ACACA: variants seen among roughly 807,000 people sequenced by gnomAD.
ACACA encodes acetyl-CoA carboxylase 1.
ACACA carries 103 observed loss-of-function variants against 296.1 expected under a neutral mutation model. That is an observed-to-expected ratio of 0.35 (90% CI 0.30 to 0.41). The LOEUF (loss-of-function observed/expected upper bound fraction) is 0.41, where lower values mean the gene tolerates loss of function less well. Ranked by LOEUF, ACACA falls within the 10% of genes least tolerant of loss-of-function variation. ACACA has a pLI of 1.00. For synonymous variants in ACACA, 953 were observed against 1,038.6 expected (o/e 0.92, Z 1.58); for missense variants, 1,554 against 2,989.7 (o/e 0.52, Z 11.20).
intron 2 of ACACA, among the ~76,000 whole-genome samples, chr17:37,338,319 A>C (rs2048228115): frequency 6.6e-6 from 1 of 152,052 alleles, no homozygotes; most frequent in African/African-American, 2.4e-5. Context: ...GGTCTTAAAA[A>C]AAGTTCAAGA....
intron 25 of ACACA, among the ~76,000 whole-genome samples, chr17:37,233,275 A>G (rs1205262409): frequency 6.6e-6 from 1 of 152,232 alleles, no homozygotes; most frequent in Non-Finnish European, 1.5e-5. Flanking sequence ...AGAAATGAAC[A>G]GCCCTGGCTC....
At chr17:37,252,457 T>C (rs2081039358) in intron 15 of ACACA, among the ~76,000 whole-genome samples, 1 of 152,202 alleles carries the variant, frequency 6.6e-6, no homozygotes, top group Non-Finnish European at 1.5e-5. Flanking sequence ...TAGCCAAAAT[T>C]TGGACCTCCA....
At chr17:37,127,652 T>C (rs975978822) in intron 47 of ACACA, among the ~76,000 whole-genome samples, 3 of 152,112 alleles carry the variant, frequency 2.0e-5, no homozygotes, top group Non-Finnish European at 2.9e-5. Context: ...AAGACCATCC[T>C]GGCCAACATG....
intron 1 of ACACA, among the ~76,000 whole-genome samples, chr17:37,352,573 G>T (rs886460186): frequency 6.6e-6 from 1 of 151,826 alleles, no homozygotes; most frequent in African/African-American, 2.4e-5. Flanking sequence ...AAAAAAAATA[G>T]CCAGGTATGG....
chr17:37,390,971 T>C (rs929057128), intron 1 of ACACA, among the ~76,000 whole-genome samples: 1 of 152,122 alleles, frequency 6.6e-6, no homozygotes, highest in Non-Finnish European at 1.5e-5. Context: ...CCAGGCGTGG[T>C]GGCTCATGCC....
intron 29 of ACACA, 93 bp from the exon 30 acceptor site, chr17:37,210,583 C>T: frequency 1.6e-6 from 2 of 1,236,924 alleles, no homozygotes; most frequent in Non-Finnish European, 2.4e-6. Flanking sequence ...TCATGAGGAG[C>T]TCCAGTTTGG....
chr17:37,085,473 T>C lies in ACACA; in HGVS notation c.*1843A>G, dbSNP rs1162041512. 5.0e-6 allele frequency: 2 copies of C among 397,404 alleles called. No homozygotes were observed. The highest frequency in any genetic ancestry group is 4.1e-5 in the African/African-American group (2 of 48,614). 24.6% of individuals were successfully genotyped at this position (397,404 alleles called of 1,614,324 possible). On this transcript the variant is annotated 3_prime_UTR_variant, in exon 56 of 56. Transcript: ENST00000616317. ...CCACTTGTAGATATGTGGGATTTGATTTATTGCAAAAAAGCATAGAAGAAT... is the reference window on the plus strand; with the variant it reads ...CCACTTGTAGATATGTGGGATTTGACTTATTGCAAAAAAGCATAGAAGAAT...
intron 2 of ACACA, among the ~76,000 whole-genome samples, chr17:37,338,284 T>C (rs1242902428): frequency 6.7e-6 from 1 of 148,246 alleles, no homozygotes; most frequent in Non-Finnish European, 1.5e-5. Flanking sequence ...CTAAATTTAC[T>C]ATACATTTCT....
intron 29 of ACACA, among the ~76,000 whole-genome samples, chr17:37,216,524 C>T (rs974301557): frequency 2.0e-5 from 3 of 151,866 alleles, no homozygotes; most frequent in Non-Finnish European, 4.4e-5. Flanking sequence ...ATTTAGTAAT[C>T]TGCTTTTTAA....
intron 45 of ACACA, chr17:37,144,281 C>G (rs1472913512): frequency 1.6e-6 from 1 of 616,774 alleles, no homozygotes. Context: ...CTTAGGATCT[C>G]CTTTGCCCAT....
intron 54 of ACACA, among the ~76,000 whole-genome samples, chr17:37,089,988 G>A (rs1428355556): frequency 6.6e-6 from 1 of 152,168 alleles, no homozygotes; most frequent in African/African-American, 2.4e-5. Context: ...ATTTAAAGGT[G>A]CGCTATCCTT....
chr17:37,399,716 G>A (rs758343131), intron 1 of ACACA, among the ~76,000 whole-genome samples: 8 of 152,106 alleles, frequency 5.3e-5, no homozygotes, highest in Admixed American at 1.3e-4. Context: ...GATGGGTAAC[G>A]AAGGCCTGGA....
At chr17:37,289,442 T>C (rs909262128) in intron 3 of ACACA, 64 of 1,351,676 alleles carry the variant, frequency 4.7e-5, no homozygotes, top group Non-Finnish European at 6.0e-5. Context: ...ACTGTAAGTA[T>C]GGCACAATCA....
chr17:37,161,491 T>C (rs1424952789), intron 42 of ACACA: 2 of 453,658 alleles, frequency 4.4e-6, no homozygotes, highest in Non-Finnish European at 7.8e-6. Flanking sequence ...AGATATATAT[T>C]TTTGATTTAG....
At chr17:37,306,855 C>G (rs2083909143) in intron 3 of ACACA, among the ~76,000 whole-genome samples, 1 of 151,834 alleles carries the variant, frequency 6.6e-6, no homozygotes, top group Non-Finnish European at 1.5e-5. Context: ...CCACCACACC[C>G]AGGTAATTTT....
intron 1 of ACACA, among the ~76,000 whole-genome samples, chr17:37,373,530 A>AGGCCGTGC (rs58834261): frequency 0.021 from 3,193 of 152,210 alleles, 91 homozygotes; most frequent in East Asian, 0.19. Context: ...ACAGGTGTGA[A>AGGCCGTGC]CTACCGTGCC....
chr17:37,372,323 G>A (rs768745552), intron 1 of ACACA, among the ~76,000 whole-genome samples: 14 of 150,602 alleles, frequency 9.3e-5, no homozygotes, highest in Non-Finnish European at 1.9e-4. Flanking sequence ...TGAGGCAGGA[G>A]AATGGTGTGA....
intron 36 of ACACA, 105 bp from the exon 37 acceptor site, chr17:37,192,410 T>C (rs1045588813): frequency 4.5e-6 from 5 of 1,113,418 alleles, no homozygotes. Flanking sequence ...ACATAAGCTA[T>C]GATGTGCTAA....
intron 5 of ACACA, among the ~76,000 whole-genome samples, chr17:37,279,759 C>G (rs2082428539): frequency 6.6e-6 from 1 of 151,800 alleles, no homozygotes; most frequent in African/African-American, 2.4e-5. Context: ...TGCAGTGAGC[C>G]GAGATTGCGC....
Sources: allele counts gnomAD v4.1 joint callset (sites outside exome capture counted in the v4.1 genomes callset), GRCh38; gene constraint gnomAD v4.1.1; transcripts MANE v1.5; gene names NCBI Gene and HGNC (gene_info 2026-07-23, HGNC 2026-07-21).